KCNQ5: variants seen among roughly 807,000 people sequenced by gnomAD.
KCNQ5 encodes the protein potassium voltage-gated channel subfamily KQT member 5.
In KCNQ5, 30 loss-of-function variants were observed where a neutral mutation model predicts 98.2. That is an observed-to-expected ratio of 0.31 (90% CI 0.23 to 0.41). The LOEUF is 0.41. Ranked by LOEUF, KCNQ5 falls within the 10% of genes least tolerant of loss-of-function variation. The pLI is 1.00. For missense variants in KCNQ5, 835 were observed against 1,182.5 expected, an observed-to-expected ratio of 0.71 and a Z score of 4.31; for synonymous variants, 458 against 449.4, an observed-to-expected ratio of 1.02 and a Z score of -0.24.
At chr6:73,075,277 CAGTG>C (rs1299537416) in intron 3 of KCNQ5, among the ~76,000 whole-genome samples, 10 of 149,236 alleles carry the variant, frequency 6.7e-5, no homozygotes, top group Admixed American at 1.3e-4. Context: ...GGCTGGAGTG[CAGTG>C]GCACGATCTT....
At chr6:73,034,860 T>TTTTTTTTA (rs1562139229) in intron 2 of KCNQ5, among the ~76,000 whole-genome samples, 3 of 127,454 alleles carry the variant, frequency 2.4e-5, no homozygotes, top group African/African-American at 5.4e-5. Flanking sequence ...TTTTTTTTTT[T>TTTTTTTTA]TTTGAGACAG....
chr6:72,954,365 G>A (rs1766944949), intron 1 of KCNQ5, among the ~76,000 whole-genome samples: 1 of 152,146 alleles, frequency 6.6e-6, no homozygotes, highest in African/African-American at 2.4e-5. Flanking sequence ...GGAGAAGAAT[G>A]ACTAAAAGTA....
chr6:73,167,337 G>C (rs1777842207), intron 10 of KCNQ5, among the ~76,000 whole-genome samples: 1 of 152,196 alleles, frequency 6.6e-6, no homozygotes, highest in Admixed American at 6.5e-5. Context: ...TCTTTGCCCT[G>C]TCTCTCCTGA....
Position 72,622,273 on chromosome 6 carries a change from C to T in KCNQ5, c.84C>T (p.Gly28=). The change falls in exon 1 of 14, where the codon GGC becomes GGT. Residue 28 remains glycine (G), a synonymous_variant. Coordinates refer to ENST00000370398, the MANE Select transcript of KCNQ5 (RefSeq NM_019842.4). This position sits in a 1 kb window ranked among gnomAD's most constrained non-coding sequence, Gnocchi z 6.0. ...VKSGAAAAAA[G]GGRLGSGMKD... is the part of the protein sequence containing the mutation. ...GCGGCGCAGCGGCGGCGGCGGCGGG[C>T]GGGGGGCGCTTGGGCAGCGGCATGA... The T allele has an allele frequency of 3.9e-6, 5 of 1,275,984 alleles. No homozygotes were observed. In the South Asian group the frequency reaches 1.2e-4, roughly 30 times the overall value. 79.0% of individuals were successfully genotyped at this position (1,275,984 alleles called of 1,614,324 possible).
intron 3 of KCNQ5, among the ~76,000 whole-genome samples, chr6:73,069,337 G>A (rs964362282): frequency 1.3e-5 from 2 of 151,570 alleles, no homozygotes; most frequent in Non-Finnish European, 2.9e-5. Context: ...TCGTGTGTTC[G>A]TGCCTTCACT....
chr6:72,891,435 C>T (rs1012178877), intron 1 of KCNQ5, among the ~76,000 whole-genome samples: 4 of 152,046 alleles, frequency 2.6e-5, no homozygotes, highest in Non-Finnish European at 5.9e-5. Context: ...ATAAAGGATC[C>T]TTCATACCCA....
chr6:72,839,612 T>C (rs1270014018), intron 1 of KCNQ5, among the ~76,000 whole-genome samples: 1 of 152,248 alleles, frequency 6.6e-6, no homozygotes, highest in Non-Finnish European at 1.5e-5. Context: ...CCTGCAGTTA[T>C]TGGTAGCTCA....
intron 1 of KCNQ5, among the ~76,000 whole-genome samples, chr6:72,713,887 A>G (rs1582156664): frequency 6.6e-6 from 1 of 152,186 alleles, no homozygotes; most frequent in East Asian, 1.9e-4. Flanking sequence ...CATTTCCAAA[A>G]TCCTAAATAC....
chr6:72,825,264 T>C (rs954821764), intron 1 of KCNQ5, among the ~76,000 whole-genome samples: 1 of 152,162 alleles, frequency 6.6e-6, no homozygotes, highest in Non-Finnish European at 1.5e-5. Flanking sequence ...ACACTTTCTG[T>C]TCCCCTTCCC....
At chr6:72,674,376 G>A (rs1767299306) in intron 1 of KCNQ5, among the ~76,000 whole-genome samples, 1 of 151,976 alleles carries the variant, frequency 6.6e-6, no homozygotes, top group Non-Finnish European at 1.5e-5. Context: ...ACATTGCTCA[G>A]GTGACAGGTA....
intron 1 of KCNQ5, among the ~76,000 whole-genome samples, chr6:72,653,584 A>G (rs1765986833): frequency 6.6e-6 from 1 of 152,106 alleles, no homozygotes; most frequent in African/African-American, 2.4e-5. Context: ...ATGAATGCCA[A>G]TCTCTGAATA....
intron 1 of KCNQ5, among the ~76,000 whole-genome samples, chr6:72,785,542 C>T (rs567254411): frequency 2.2e-4 from 33 of 151,868 alleles, no homozygotes; most frequent in African/African-American, 7.2e-4. Flanking sequence ...CCCAGATACT[C>T]GGGAGGCTGA....
At chr6:72,632,496 G>T (rs1397412980) in intron 1 of KCNQ5, among the ~76,000 whole-genome samples, 1 of 151,950 alleles carries the variant, frequency 6.6e-6, no homozygotes, top group Non-Finnish European at 1.5e-5. Context: ...GGGGGTACTT[G>T]TGCAGGTTTG....
intron 1 of KCNQ5, among the ~76,000 whole-genome samples, chr6:72,886,181 A>T (rs1778835620): frequency 6.6e-6 from 1 of 152,248 alleles, no homozygotes; most frequent in Admixed American, 6.5e-5. Flanking sequence ...CAGAATGTAA[A>T]ATAGACAAGT....
At chr6:72,677,749 G>A (rs549952388) in intron 1 of KCNQ5, among the ~76,000 whole-genome samples, 1 of 152,144 alleles carries the variant, frequency 6.6e-6, no homozygotes. Context: ...AACATACTAA[G>A]TACCTAGGAA....
In KCNQ5 at chr6:73,195,101, C is replaced by G. The variant is rs748901451; in HGVS notation, c.2486C>G (p.Ser829Cys). Residue 829 changes from serine to cysteine, a missense_variant, in exon 14 of 14, where the codon TCT (serine) becomes TGT (cysteine). Transcript: ENST00000370398. ...CPMVPKDLGK[S>C]LSVQNLIRST... ...ATGGTGCCGAAGGACTTGGGCAAAT[C>G]TTTGTCTGTGCAAAACCTGATCAGG... The G allele has an allele frequency of 1.9e-5, 30 of 1,614,198 alleles. No individual in the cohort carries two copies. The highest frequency in any genetic ancestry group is 2.5e-5 in the Non-Finnish European group (29 of 1,180,046).
At chr6:72,699,385 T>C (rs1768680442) in intron 1 of KCNQ5, among the ~76,000 whole-genome samples, 1 of 152,248 alleles carries the variant, frequency 6.6e-6, no homozygotes, top group Admixed American at 6.5e-5. Flanking sequence ...ATTTAGAGAT[T>C]CACAAATTGC....
At chr6:72,995,203 T>C (rs193065093) in intron 1 of KCNQ5, among the ~76,000 whole-genome samples, 36 of 152,134 alleles carry the variant, frequency 2.4e-4, no homozygotes, top group Admixed American at 1.4e-3. Context: ...GCCCCATCTC[T>C]ACTAAAAATG....
chr6:72,737,404 C>T (rs936068841), intron 1 of KCNQ5, among the ~76,000 whole-genome samples: 2 of 151,730 alleles, frequency 1.3e-5, no homozygotes, highest in Non-Finnish European at 2.9e-5. Flanking sequence ...CTTGCACTGC[C>T]TCTGGTGGGA....
Sources: allele counts gnomAD v4.1 joint callset (sites outside exome capture counted in the v4.1 genomes callset), GRCh38; gene constraint gnomAD v4.1.1; non-coding constraint Gnocchi (gnomAD v3.1); transcripts MANE v1.5; gene names NCBI Gene and HGNC (gene_info 2026-07-23, HGNC 2026-07-21).